The following EIF3I variants were observed in gnomAD, a reference collection of about 807,000 sequenced individuals.
EIF3I encodes eukaryotic translation initiation factor 3 subunit I.
In EIF3I, 20 loss-of-function variants were observed where a neutral mutation model predicts 43.3. The ratio of observed to expected loss-of-function variants is 0.46; its 90% CI spans 0.32 to 0.67. EIF3I has a LOEUF of 0.67. Among genes scored for constraint, EIF3I ranks in the 30% least tolerant of loss-of-function variants. The pLI is 0.03. For missense variants in EIF3I, 279 were observed against 421.4 expected, an observed-to-expected ratio of 0.66 and a Z score of 2.96; for synonymous variants, 167 against 151.7, an observed-to-expected ratio of 1.10 and a Z score of -0.74.
chr1:32,226,080 GACAA>G (rs1160205882), intron 4 of EIF3I, 87 bp from the exon 5 acceptor site: 8 of 1,494,626 alleles, frequency 5.4e-6, no homozygotes, highest in African/African-American at 4.2e-5. Context: ...ACTGGAGCAA[GACAA>G]ACAGTGAGAT....
chr1:32,231,215 G>A (rs1197052943), exon 12 of EIF3I: 6 of 1,610,758 alleles, frequency 3.7e-6, no homozygotes, highest in Middle Eastern at 3.6e-4. Context: ...ATCTCCTGCC[G>A]GGCGTGGTGG....
rs752377716 is a variant in EIF3I, at chr1:32,231,071, TCCCAGAGTAAGCA to T, written c.1008-41_1008-29del. On this transcript the variant is annotated intron_variant, in intron 11 of 11. Coordinates refer to ENST00000676679, the Ensembl canonical transcript of EIF3I. The stretch of plus-strand genomic sequence containing the variant: ...TAAGCCTGGGTTGGGTCTCTGCCTT[TCCCAGAGTAAGCA>T]CCTGACTGGTGCCTGGCTATCTTTT... The T allele has an allele frequency of 1.9e-6, 3 of 1,613,680 alleles. No individual in the cohort carries two copies. In the African/African-American group the frequency reaches 4.0e-5, roughly 22 times the overall value.
chr1:32,228,320 A>G (rs1169984758), intron 6 of EIF3I, among the ~76,000 whole-genome samples, 179 bp from the exon 7 acceptor site: 2 of 152,216 alleles, frequency 1.3e-5, no homozygotes, highest in Non-Finnish European at 2.9e-5. Context: ...GCCAATAGGC[A>G]TAGGATGTAC....
chr1:32,228,000 G>A (rs186764479), intron 6 of EIF3I, among the ~76,000 whole-genome samples: 6 of 152,304 alleles, frequency 3.9e-5, no homozygotes, highest in Middle Eastern at 6.8e-3. Context: ...ACTCTCCCAG[G>A]GAGGTGGCGT....
downstream of EIF3I, chr1:32,231,758 C>T (rs1639240756): frequency 6.5e-6 from 1 of 154,018 alleles, no homozygotes; most frequent in Admixed American, 6.5e-5. Context: ...GTTGCAGGCA[C>T]CCTCATCCAA....
Position 32,229,054 on chromosome 1 carries a change from T to TA in EIF3I, c.730-76dup, listed in dbSNP as rs1230314232. The stretch of plus-strand genomic sequence containing the variant: ...CCTCCCATTGAGCCGTGTGAGATGT[T>TA]AAAAATGTATATGGCAGCAGAAAAA... On this transcript the variant is annotated intron_variant, in intron 8 of 11. Transcript: ENST00000676679. 2.0e-6 allele frequency: 3 copies of TA among 1,468,672 alleles called. No homozygotes were observed. The African/African-American group carries it at 4.2e-5, about 21-fold the overall frequency. 91.0% of individuals were successfully genotyped at this position (1,468,672 alleles called of 1,614,324 possible). A position where few individuals can be genotyped will look rare whatever the true frequency, so the allele number is the denominator to read the frequency against.
At chr1:32,232,620 G>A (rs1639254528), downstream of EIF3I, among the ~76,000 whole-genome samples, 1 of 152,212 alleles carries the variant, frequency 6.6e-6, no homozygotes, top group Non-Finnish European at 1.5e-5. Flanking sequence ...TGATAACAAT[G>A]AAGATGCAGA....
intron 7 of EIF3I, 45 bp downstream of exon 7, chr1:32,228,654 C>A (rs1362376517): frequency 6.2e-7 from 1 of 1,604,742 alleles, no homozygotes; most frequent in Non-Finnish European, 8.5e-7. Flanking sequence ...CTCCCTCCGG[C>A]TGCACAGCTC....
At chr1:32,231,780 C>T (rs1639241066), downstream of EIF3I, 1 of 153,322 alleles carries the variant, frequency 6.5e-6, no homozygotes, top group East Asian at 1.9e-4. Flanking sequence ...GTGTAAAGGT[C>T]CTAAGGGGCC....
In EIF3I at chr1:32,222,788, C is replaced by G. The variant is rs531137573; in HGVS notation, c.96+158C>G. Among the ~76,000 whole-genome samples the G allele has an allele frequency of 3.3e-5, 5 of 152,206 alleles. No homozygotes were observed. The South Asian group carries it at 8.3e-4, about 25-fold the overall frequency. Reference sequence around the variant, plus strand: ...GGGGTAGGTTGGCGAAAGTATTCTACCGGGAAAGGTGGGGAAGAACTCTAT... The same window carrying G: ...GGGGTAGGTTGGCGAAAGTATTCTAGCGGGAAAGGTGGGGAAGAACTCTAT... On this transcript the variant is annotated intron_variant, in intron 2 of 11. Coordinates refer to ENST00000676679, the Ensembl canonical transcript of EIF3I.
intron 1 of EIF3I, 22 bp from the exon 2 acceptor site, chr1:32,222,516 C>T (rs1454667089): frequency 1.5e-5 from 25 of 1,613,830 alleles, no homozygotes; most frequent in Non-Finnish European, 2.0e-5. Flanking sequence ...CGAGCACTGA[C>T]GTTACTGTCT....
intron 4 of EIF3I, among the ~76,000 whole-genome samples, chr1:32,224,897 A>T (rs574113028): frequency 2.4e-4 from 36 of 151,632 alleles, no homozygotes; most frequent in Non-Finnish European, 4.0e-4. Flanking sequence ...GCAGTGGCAC[A>T]ATCTTGGCTT....
chr1:32,234,384 C>T (rs1423820211), downstream of EIF3I: 1 of 152,412 alleles, frequency 6.6e-6, no homozygotes, highest in Non-Finnish European at 1.5e-5. Flanking sequence ...TAAGCTACCT[C>T]AACACCCCCT....
At chr1:32,228,655 T>C in intron 7 of EIF3I, 46 bp downstream of exon 7, 1 of 1,606,252 alleles carries the variant, frequency 6.2e-7, no homozygotes, top group Non-Finnish European at 8.5e-7. Flanking sequence ...TCCCTCCGGC[T>C]GCACAGCTCA....
chr1:32,224,485 G>A lies in EIF3I; in HGVS notation c.250+10G>A, dbSNP rs765035672. ...TGGGACTGTGAAACAGGTAAGCTGG[G>A]TTCATTCACCTTTTTAGCAAATATT... On this transcript the variant is annotated intron_variant, in intron 4 of 11. Coordinates refer to ENST00000676679, the Ensembl canonical transcript of EIF3I. The A allele has an allele frequency of 5.6e-5, 91 of 1,611,570 alleles. No homozygotes were observed. In the South Asian group the frequency reaches 9.5e-4, roughly 17 times the overall value.
chr1:32,235,679 G>A (rs1639290509), downstream of EIF3I, among the ~76,000 whole-genome samples: 1 of 152,166 alleles, frequency 6.6e-6, no homozygotes, highest in Non-Finnish European at 1.5e-5. Flanking sequence ...AAGACCCTTT[G>A]AGAAAGTACC....
Position 32,226,399 on chromosome 1 carries a change from A to G in EIF3I, c.401-4A>G. 11 of 1,608,278 alleles carry G rather than the reference A, an allele frequency of 6.8e-6. No homozygotes were observed. Among genetic ancestry groups the G allele is most frequent in the Non-Finnish European group, 9.3e-6 (11 of 1,177,410 alleles). On this transcript the variant is annotated splice_region_variant and splice_polypyrimidine_tract_variant and intron_variant, in intron 5 of 11. Transcript: ENST00000676679. ...CAGGGCCTAACATCTACTGCCCCAC[A>G]CAGACAACAATGAGCCCTACATGAA...
chr1:32,230,887 G>A (rs115779719), intron 10 of EIF3I, 40 bp from the exon 10 acceptor site: 2 of 1,487,160 alleles, frequency 1.3e-6, no homozygotes, highest in South Asian at 1.2e-5. Context: ...TGTTTTGGAA[G>A]AAGATAGAAA....
At chr1:32,229,867 A>G (rs546947453) in intron 9 of EIF3I, among the ~76,000 whole-genome samples, 1 of 151,686 alleles carries the variant, frequency 6.6e-6, no homozygotes, top group Non-Finnish European at 1.5e-5. Context: ...ATATTTCTCT[A>G]TGTCTAAATT....
Sources: allele counts gnomAD v4.1 joint callset (sites outside exome capture counted in the v4.1 genomes callset), GRCh38; gene constraint gnomAD v4.1.1; transcripts MANE v1.5; gene names NCBI Gene and HGNC (gene_info 2026-07-23, HGNC 2026-07-21).